The following DMGDH variants were observed in gnomAD, a reference collection of about 807,000 sequenced individuals.
DMGDH encodes the protein dimethylglycine dehydrogenase, mitochondrial.
In DMGDH, 76 loss-of-function variants were observed where a neutral mutation model predicts 95.2. The ratio of observed to expected loss-of-function variants is 0.80; its 90% CI spans 0.66 to 0.97. DMGDH has a LOEUF of 0.97. DMGDH is among the 50% of genes least tolerant of loss of function. The probability of loss-of-function intolerance (pLI) is 0.00; values close to 1 mark genes in which losing one functional copy is unlikely to be tolerated. For synonymous variants in DMGDH, 345 were observed against 377.6 expected (o/e 0.91, Z 1.00); for missense variants, 987 against 1,055.0 (o/e 0.94, Z 0.89).
intron 15 of DMGDH, 83 bp downstream of exon 15, chr5:79,005,190 G>T: frequency 6.3e-7 from 1 of 1,577,192 alleles, no homozygotes; most frequent in Admixed American, 1.7e-5. Context: ...AATAGCAAAA[G>T]GGTTTAAGAG....
chr5:79,000,432 C>A (rs1192190626), intron 15 of DMGDH: 6 of 622,722 alleles, frequency 9.6e-6, no homozygotes, highest in Non-Finnish European at 1.9e-5. Flanking sequence ...TGGAAAGAAC[C>A]ATTTTCACCT....
At position 79,065,692 on chromosome 5, in the gene DMGDH, A is replaced by T. The variant is rs771754634; in HGVS notation, c.102-1905T>A. ...AGCACAGTGATTTATTATCATTGTCAAGCATTATGTACTGTATGTAATTGC... is the reference window on the plus strand; with the variant it reads ...AGCACAGTGATTTATTATCATTGTCTAGCATTATGTACTGTATGTAATTGC... On this transcript the variant is annotated intron_variant, in intron 1 of 15. Coordinates refer to ENST00000255189, the MANE Select transcript of DMGDH (RefSeq NM_013391.3). 7.9e-5 allele frequency among the ~76,000 whole-genome samples: 12 copies of T among 152,234 alleles called. No homozygotes were observed. The South Asian group carries it at 1.0e-3, about 13-fold the overall frequency.
intron 7 of DMGDH, 148 bp downstream of exon 7, chr5:79,042,135 G>T: frequency 1.3e-6 from 1 of 755,870 alleles, no homozygotes; most frequent in Non-Finnish European, 2.2e-6. Flanking sequence ...GGTCATGAAA[G>T]GGAGAAAACT....
intron 14 of DMGDH, among the ~76,000 whole-genome samples, chr5:79,005,711 C>A (rs1270862576): frequency 6.6e-6 from 1 of 152,148 alleles, no homozygotes; most frequent in East Asian, 1.9e-4. Context: ...GAAAGTGACC[C>A]TTGTGTCTAA....
At chr5:79,038,286 C>T (rs1754404944) in intron 7 of DMGDH, among the ~76,000 whole-genome samples, 1 of 151,994 alleles carries the variant, frequency 6.6e-6, no homozygotes, top group East Asian at 1.9e-4. Context: ...GAGTTTGAGA[C>T]CAGCCTGGCC....
Position 79,021,081 on chromosome 5 carries a change from G to A in DMGDH, c.2250+3190C>T, listed in dbSNP as rs1753855270. 4.1e-6 allele frequency: 4 copies of A among 986,122 alleles called. No individual in the cohort carries two copies. In the South Asian group the frequency reaches 1.4e-4, roughly 35 times the overall value. 61.1% of individuals were successfully genotyped at this position (986,122 alleles called of 1,614,324 possible). On this transcript the variant is annotated intron_variant, in intron 14 of 15. Transcript: ENST00000255189. ...AATACCATTGAGAACAATGATATGA[G>A]TCGTTTCAGGTGAAGCGTTTTTAGT...
At position 79,021,647 on chromosome 5, in the gene DMGDH, T is replaced by C. The variant is rs1263344709; in HGVS notation, c.2250+2624A>G. 6 of 1,317,720 alleles carry C rather than the reference T, an allele frequency of 4.6e-6. No individual in the cohort carries two copies. The South Asian group carries it at 7.2e-5, about 16-fold the overall frequency. 81.6% of individuals were successfully genotyped at this position (1,317,720 alleles called of 1,614,324 possible). On this transcript the variant is annotated intron_variant, in intron 14 of 15. Coordinates refer to ENST00000255189, the MANE Select transcript of DMGDH (RefSeq NM_013391.3). Reference sequence around the variant, plus strand: ...GGCCCATCTGCTCACCCAGCCATTTTCCTCCTTAAAATGGGCAAAGCAGCT... The same window carrying C: ...GGCCCATCTGCTCACCCAGCCATTTCCCTCCTTAAAATGGGCAAAGCAGCT...
chr5:79,011,633 T>C (rs1398673676), intron 14 of DMGDH, among the ~76,000 whole-genome samples: 1 of 152,162 alleles, frequency 6.6e-6, no homozygotes, highest in African/African-American at 2.4e-5. Context: ...AGCATGATGC[T>C]GGCATCTGCT....
rs556060012 is a variant in DMGDH, at chr5:79,061,102, G to C, written c.276+2511C>G. Among the ~76,000 whole-genome samples, 5 of 151,802 alleles carry C rather than the reference G, an allele frequency of 3.3e-5. No homozygotes were observed. The East Asian group carries it at 9.7e-4, about 30-fold the overall frequency. Reference sequence around the variant, plus strand: ...GCAAGGCGTGGTCGTGCACAGCTGTGGTCCCAGCTACAGGTGCTGATGTGA... The same window carrying C: ...GCAAGGCGTGGTCGTGCACAGCTGTCGTCCCAGCTACAGGTGCTGATGTGA... On this transcript the variant is annotated intron_variant, in intron 2 of 15. Transcript: ENST00000255189.
chr5:79,040,839 A>T (rs1419039554), intron 7 of DMGDH, among the ~76,000 whole-genome samples: 1 of 152,212 alleles, frequency 6.6e-6, no homozygotes, highest in Non-Finnish European at 1.5e-5. Context: ...TACATGAGTG[A>T]TGTGCAGGAG....
chr5:79,052,982 C>T (rs961842700), intron 4 of DMGDH, among the ~76,000 whole-genome samples: 2 of 152,148 alleles, frequency 1.3e-5, no homozygotes, highest in Admixed American at 6.5e-5. Context: ...CCATCTGATA[C>T]ACTTGGGCAA....
At chr5:79,065,030 A>G (rs1391483208) in intron 1 of DMGDH, among the ~76,000 whole-genome samples, 3 of 151,948 alleles carry the variant, frequency 2.0e-5, no homozygotes, top group Non-Finnish European at 4.4e-5. Flanking sequence ...GATTACAGGC[A>G]TGAGCCACTG....
rs1012261801 is a variant in DMGDH, at chr5:79,028,359, T to TAATTTTA, written c.2032+67_2032+73dup. 31 of 1,308,622 alleles carry TAATTTTA rather than the reference T, an allele frequency of 2.4e-5. 1 individual carries two copies. Among genetic ancestry groups the TAATTTTA allele is most frequent in the Middle Eastern group, 2.3e-4 (1 of 4,284 alleles). 81.1% of individuals were successfully genotyped at this position (1,308,622 alleles called of 1,614,324 possible). A position where few individuals can be genotyped will look rare whatever the true frequency, so the allele number is the denominator to read the frequency against. ...ACACATTTCTTGTGACATGACCTTTTAATTTTAAATTTTAAATTTTAAATT... is the reference window on the plus strand; with the variant it reads ...ACACATTTCTTGTGACATGACCTTTTAATTTTAAATTTTAAATTTTAAATTTTAAATT... On this transcript the variant is annotated intron_variant, in intron 12 of 15. Transcript: ENST00000255189.
chr5:78,997,929 C>T lies in DMGDH; in HGVS notation c.*153G>A, dbSNP rs1242526942. ...ATTATTCTGTCTTGCTTAGAAAACACTTAACAGAAAGGTTTCATTAAGATT... is the reference window on the plus strand; with the variant it reads ...ATTATTCTGTCTTGCTTAGAAAACATTTAACAGAAAGGTTTCATTAAGATT... On this transcript the variant is annotated 3_prime_UTR_variant, in exon 16 of 16. Coordinates refer to ENST00000255189, the MANE Select transcript of DMGDH (RefSeq NM_013391.3). 2.6e-6 allele frequency: 2 copies of T among 757,710 alleles called. No homozygotes were observed. Among genetic ancestry groups the T allele is most frequent in the African/African-American group, 1.8e-5 (1 of 56,452 alleles). 46.9% of individuals were successfully genotyped at this position (757,710 alleles called of 1,614,324 possible). A position where few individuals can be genotyped will look rare whatever the true frequency, so the allele number is the denominator to read the frequency against.
chr5:79,035,144 G>C (rs1754311591), intron 7 of DMGDH, among the ~76,000 whole-genome samples: 1 of 151,566 alleles, frequency 6.6e-6, no homozygotes, highest in African/African-American at 2.4e-5. Context: ...TAGACATGGG[G>C]CATCCAAGTT....
At chr5:79,018,122 A>G (rs933320824) in intron 14 of DMGDH, among the ~76,000 whole-genome samples, 8 of 152,204 alleles carry the variant, frequency 5.3e-5, no homozygotes, top group African/African-American at 1.9e-4. Context: ...AACATGACTC[A>G]CTGCAGCCTT....
chr5:79,069,548 G>A lies in DMGDH; in HGVS notation c.73C>T (p.Arg25Cys). The A allele has an allele frequency of 3.8e-6, 5 of 1,316,092 alleles. No homozygotes were observed. Among genetic ancestry groups the A allele is most frequent in the Non-Finnish European group, 4.8e-6 (5 of 1,035,396 alleles). The allele number at this position is 1,316,092 out of a possible 1,614,324, so 81.5% of individuals were successfully genotyped here. The change falls in exon 1 of 16, where the codon CGC becomes TGC. Residue 25 changes from arginine to cysteine, a missense_variant. Arg to Cys is a radical substitution (Grantham distance 180, BLOSUM62 -3). Transcript: ENST00000255189. ...RSCPLQGSPG[R>C]PRSVCGREGE... ...TCCCGGCCGCAGACAGAGCGCGGGC[G>A]CCCGGGGGAGCCCTGCAGCGGGCAG...
chr5:79,009,885 T>C (rs1176186585), intron 14 of DMGDH, among the ~76,000 whole-genome samples: 1 of 152,158 alleles, frequency 6.6e-6, no homozygotes, highest in East Asian at 1.9e-4. Flanking sequence ...TGTCTGAAGG[T>C]TAATGCTGTA....
At chr5:79,019,454 T>A (rs1285848467) in intron 14 of DMGDH, among the ~76,000 whole-genome samples, 3 of 135,312 alleles carry the variant, frequency 2.2e-5, no homozygotes, top group African/African-American at 9.3e-5. Context: ...CAATATTCAC[T>A]GCATTAAAAA....
Sources: gnomAD v4.1 joint callset for allele counts (sites outside exome capture counted in the v4.1 genomes callset) on GRCh38, gnomAD v4.1.1 for gene constraint, MANE v1.5 for transcripts, NCBI Gene and HGNC (gene_info 2026-07-23, HGNC 2026-07-21) for gene names.